The following DPY19L3 variants were observed in gnomAD, a reference collection of about 807,000 sequenced individuals.
DPY19L3 encodes dpy-19 like C-mannosyltransferase 3, also known as protein C-mannosyl-transferase DPY19L3.
A neutral mutation model predicts 92.3 loss-of-function variants in DPY19L3; 51 were observed. The ratio of observed to expected loss-of-function variants is 0.55; its 90% CI spans 0.44 to 0.70. The LOEUF (loss-of-function observed/expected upper bound fraction) is 0.70, where lower values mean the gene tolerates loss of function less well. DPY19L3 is among the 30% of genes least tolerant of loss of function. DPY19L3 has a pLI of 0.00. For synonymous variants in DPY19L3, 309 were observed against 315.2 expected (o/e 0.98, Z 0.21); for missense variants, 706 against 855.9 (o/e 0.82, Z 2.18).
chr19:32,481,943 G>A, intron 18 of DPY19L3, 136 bp from the exon 19 acceptor site: 2 of 959,780 alleles, frequency 2.1e-6, no homozygotes, highest in Non-Finnish European at 3.0e-6. Context: ...ATCTCCAGGT[G>A]CCCATGGACA....
At chr19:32,453,778 A>T (rs1243363242) in intron 9 of DPY19L3, among the ~76,000 whole-genome samples, 2 of 152,162 alleles carry the variant, frequency 1.3e-5, no homozygotes, top group African/African-American at 4.8e-5. Context: ...TGAGAATCCA[A>T]ATAAATAACT....
chr19:32,474,743 A>G (rs757508662), intron 16 of DPY19L3, among the ~76,000 whole-genome samples: 2 of 152,044 alleles, frequency 1.3e-5, no homozygotes, highest in Non-Finnish European at 2.9e-5. Flanking sequence ...GGCACCCACC[A>G]CCACGCCTGG....
At chr19:32,429,122 C>T (rs1968874359) in intron 3 of DPY19L3, among the ~76,000 whole-genome samples, 3 of 152,230 alleles carry the variant, frequency 2.0e-5, no homozygotes, top group Admixed American at 6.5e-5. Flanking sequence ...GCTGGGATTA[C>T]AGGCGTGAGC....
At chr19:32,420,650 A>G (rs879558352) in intron 3 of DPY19L3, among the ~76,000 whole-genome samples, 1 of 152,068 alleles carries the variant, frequency 6.6e-6, no homozygotes, top group Non-Finnish European at 1.5e-5. Flanking sequence ...AGGTTTTGCC[A>G]TGTTGGTCAG....
chr19:32,413,155 T>C (rs1968251414), intron 3 of DPY19L3: 1 of 152,216 alleles, frequency 6.6e-6, no homozygotes, highest in South Asian at 2.1e-4. Context: ...GACTAGTTGC[T>C]TGTAAAAATA....
intron 16 of DPY19L3, among the ~76,000 whole-genome samples, chr19:32,474,454 C>T (rs958362694): frequency 1.3e-5 from 2 of 152,248 alleles, no homozygotes; most frequent in East Asian, 1.9e-4. Flanking sequence ...GAGGAGAGAG[C>T]ATCTTCAGTG....
rs532691984 is a variant in DPY19L3 at position 32,451,469 on chromosome 19, T to C, written c.856-1676T>C. 3.3e-5 allele frequency among the ~76,000 whole-genome samples: 5 copies of C among 152,320 alleles called. No individual in the cohort carries two copies. In the South Asian group the frequency reaches 1.0e-3, roughly 32 times the overall value. ...CAGCATCCATTTCCCTGAGTTCCCA[T>C]TGACACTAAGCAAAAGCACTGAACT... On this transcript the variant is annotated intron_variant, in intron 8 of 18. Coordinates refer to ENST00000392250, the MANE Select transcript of DPY19L3 (RefSeq NM_001172774.2).
At chr19:32,474,975 A>G (rs549530011) in intron 16 of DPY19L3, among the ~76,000 whole-genome samples, 1 of 152,314 alleles carries the variant, frequency 6.6e-6, no homozygotes, top group Admixed American at 6.5e-5. Flanking sequence ...TTGAATAAAG[A>G]ACGTTATAAC....
chr19:32,479,198 C>G (rs76783530), intron 17 of DPY19L3, among the ~76,000 whole-genome samples: 4,577 of 152,196 alleles, frequency 0.03, 234 homozygotes, highest in African/African-American at 0.1. Flanking sequence ...CATTTGAATT[C>G]AGACTCCTGC....
intron 10 of DPY19L3, among the ~76,000 whole-genome samples, chr19:32,456,433 A>T (rs575252446): frequency 2.0e-5 from 3 of 150,044 alleles, no homozygotes; most frequent in East Asian, 2.0e-4. Context: ...AAATTTCTAA[A>T]TTTTTTTTGC....
intron 3 of DPY19L3, chr19:32,413,195 A>G (rs1968253209): frequency 6.6e-6 from 1 of 152,208 alleles, no homozygotes; most frequent in Non-Finnish European, 1.5e-5. Flanking sequence ...AAAGATGTGT[A>G]TCTATAAGAA....
Position 32,405,887 on chromosome 19 carries a change from C to G in DPY19L3, c.-60C>G, listed in dbSNP as rs2145367389. 6.6e-6 allele frequency: 1 copy of G among 152,106 alleles called. No individual in the cohort carries two copies. Among genetic ancestry groups the G allele is most frequent in the South Asian group, 2.1e-4 (1 of 4,832 alleles). 9.4% of individuals were successfully genotyped at this position (152,106 alleles called of 1,614,324 possible). A position where few individuals can be genotyped will look rare whatever the true frequency, so the allele number is the denominator to read the frequency against. Reference sequence around the variant, plus strand: ...GCCTCCTTCCCCTCCCGGAGCCGCGCGTGAGGACGGCTGAGGCCGCAGGTC... The same window carrying G: ...GCCTCCTTCCCCTCCCGGAGCCGCGGGTGAGGACGGCTGAGGCCGCAGGTC... On this transcript the variant is annotated 5_prime_UTR_variant, in exon 1 of 19. Coordinates refer to ENST00000392250, the MANE Select transcript of DPY19L3 (RefSeq NM_001172774.2).
chr19:32,458,024 T>C (rs1420300459), intron 10 of DPY19L3, 76 bp from the exon 11 acceptor site: 1 of 1,138,562 alleles, frequency 8.8e-7, no homozygotes, highest in East Asian at 2.4e-5. Context: ...ACTGAATATG[T>C]AAATTCAATG....
intron 6 of DPY19L3, among the ~76,000 whole-genome samples, chr19:32,438,469 GATAC>G (rs1450381381): frequency 1.1e-4 from 17 of 152,010 alleles, no homozygotes; most frequent in Admixed American, 7.2e-4. Flanking sequence ...TGTAGATATA[GATAC>G]ATTGTTTGAT....
intron 3 of DPY19L3, chr19:32,412,091 G>C (rs774872909): frequency 1.3e-5 from 2 of 152,120 alleles, no homozygotes; most frequent in Non-Finnish European, 2.9e-5. Context: ...GCCCATGCTG[G>C]TCTCGAACTC....
intron 12 of DPY19L3, among the ~76,000 whole-genome samples, chr19:32,460,811 A>G (rs549777256): frequency 6.6e-6 from 1 of 152,052 alleles, no homozygotes; most frequent in Non-Finnish European, 1.5e-5. Context: ...AAGTATTTCT[A>G]CCTTTTTAGT....
At chr19:32,471,215 G>C (rs1970347713) in intron 16 of DPY19L3, among the ~76,000 whole-genome samples, 1 of 152,186 alleles carries the variant, frequency 6.6e-6, no homozygotes, top group Non-Finnish European at 1.5e-5. Flanking sequence ...GCGGCCTAAG[G>C]ACTCTTTCAG....
At chr19:32,450,045 T>C (rs891165174) in intron 8 of DPY19L3, among the ~76,000 whole-genome samples, 44 of 152,196 alleles carry the variant, frequency 2.9e-4, no homozygotes, top group African/African-American at 1.1e-3. Flanking sequence ...TGAAGAACTC[T>C]TATAACTCTT....
chr19:32,461,985 G>A (rs1453245261), intron 12 of DPY19L3, among the ~76,000 whole-genome samples: 1 of 152,042 alleles, frequency 6.6e-6, no homozygotes, highest in East Asian at 1.9e-4. Flanking sequence ...CTGAAACCTC[G>A]GATGGTTTCA....
Sources: gnomAD v4.1 joint callset for allele counts (sites outside exome capture counted in the v4.1 genomes callset) on GRCh38, gnomAD v4.1.1 for gene constraint, MANE v1.5 for transcripts, NCBI Gene and HGNC (gene_info 2026-07-23, HGNC 2026-07-21) for gene names.